The following MTFR1L variants were observed in gnomAD, a reference collection of about 807,000 sequenced individuals.
MTFR1L encodes mitochondrial fission regulator 1-like.
A neutral mutation model predicts 27.9 loss-of-function variants in MTFR1L; 10 were observed. The observed-to-expected ratio is 0.36, with a 90% CI of 0.22 to 0.61. The LOEUF is 0.61. Among genes scored for constraint, MTFR1L ranks in the 20% least tolerant of loss-of-function variants. The pLI is 0.73. For missense variants in MTFR1L, 315 were observed against 363.7 expected (o/e 0.87, Z 1.09); for synonymous variants, 151 against 139.4 (o/e 1.08, Z -0.58).
intron 3 of MTFR1L, among the ~76,000 whole-genome samples, chr1:25,824,522 G>C (rs959936976): frequency 7.2e-5 from 11 of 152,190 alleles, no homozygotes; most frequent in African/African-American, 2.7e-4. Flanking sequence ...GTGCATGAAA[G>C]GATGTGGGCC....
chr1:25,829,944 T>C, intron 6 of MTFR1L, 114 bp downstream of exon 6: 2 of 1,061,458 alleles, frequency 1.9e-6, no homozygotes, highest in East Asian at 2.6e-5. Flanking sequence ...TGTTATGTCA[T>C]TCATAAAGCT....
intron 5 of MTFR1L, among the ~76,000 whole-genome samples, chr1:25,827,322 G>A (rs1291429129): frequency 2.0e-5 from 3 of 151,718 alleles, no homozygotes; most frequent in Non-Finnish European, 4.4e-5. Context: ...TTTTAGTAGA[G>A]ACAGAGTTCC....
chr1:25,832,333 G>A lies in MTFR1L; in HGVS notation c.*307G>A, dbSNP rs909782300. On this transcript the variant is annotated 3_prime_UTR_variant, in exon 7 of 7. Coordinates refer to ENST00000374303, the MANE Select transcript of MTFR1L (RefSeq NM_001099625.2). Reference sequence around the variant, plus strand: ...TTTTCCTTGCCCCTGTGTGAAAATAGGTCCTAAATGACTGACTTCACTGCA... The same window carrying A: ...TTTTCCTTGCCCCTGTGTGAAAATAAGTCCTAAATGACTGACTTCACTGCA... The A allele has an allele frequency of 3.5e-5, 24 of 687,556 alleles. No homozygotes were observed. Among genetic ancestry groups the A allele is most frequent in the Non-Finnish European group, 5.1e-5 (21 of 413,538 alleles). 42.6% of individuals were successfully genotyped at this position (687,556 alleles called of 1,614,324 possible).
At chr1:25,829,362 C>A in intron 5 of MTFR1L, 147 bp from the exon 6 acceptor site, 1 of 721,384 alleles carries the variant, frequency 1.4e-6, no homozygotes, top group Non-Finnish European at 2.3e-6. Flanking sequence ...TGACCCTCCA[C>A]TGGCTACAGA....
chr1:25,829,897 C>G, intron 6 of MTFR1L, 67 bp downstream of exon 6: 1 of 1,304,878 alleles, frequency 7.7e-7, no homozygotes, highest in Non-Finnish European at 1.0e-6. Flanking sequence ...TTATGTAATG[C>G]AACATACTTA....
intron 6 of MTFR1L, among the ~76,000 whole-genome samples, chr1:25,830,119 C>T (rs1405197174): frequency 6.6e-6 from 1 of 152,156 alleles, no homozygotes; most frequent in East Asian, 1.9e-4. Flanking sequence ...CACTTCAGTC[C>T]TCATACTGCT....
chr1:25,829,225 A>G (rs541036051), intron 5 of MTFR1L, among the ~76,000 whole-genome samples: 4 of 152,228 alleles, frequency 2.6e-5, no homozygotes, highest in African/African-American at 7.2e-5. Context: ...TCCACAGCCT[A>G]TTGTGGAATG....
chr1:25,826,121 A>G lies in MTFR1L; in HGVS notation c.130-181A>G, dbSNP rs1287357401. 5.4e-5 allele frequency: 31 copies of G among 572,130 alleles called. No individual in the cohort carries two copies. In the Admixed American group the frequency reaches 9.1e-4, roughly 17 times the overall value. 35.4% of individuals were successfully genotyped at this position (572,130 alleles called of 1,614,324 possible). A position where few individuals can be genotyped will look rare whatever the true frequency, so the allele number is the denominator to read the frequency against. ...AATGCTGGGATTACAGGTGTGAGCC[A>G]CCATGCCTGACTGTCATCTGGCCTC... On this transcript the variant is annotated intron_variant, in intron 3 of 6. Transcript: ENST00000374303. This position sits in a 1 kb window ranked among gnomAD's most constrained non-coding sequence, Gnocchi z 4.1.
intron 3 of MTFR1L, chr1:25,825,856 T>C (rs1010429468): frequency 6.2e-6 from 1 of 162,038 alleles, no homozygotes. Context: ...GTTTTTGTTT[T>C]TGAATGTGGC....
intron 5 of MTFR1L, 90 bp from the exon 6 acceptor site, chr1:25,829,419 G>C: frequency 8.4e-7 from 1 of 1,192,858 alleles, no homozygotes; most frequent in Admixed American, 2.1e-5. Flanking sequence ...CCCAGGAAAT[G>C]AATGTTCAGT....
At chr1:25,820,824 A>G in intron 1 of MTFR1L, 1 of 400,882 alleles carries the variant, frequency 2.5e-6, no homozygotes, top group South Asian at 1.8e-5. Context: ...GTGCGCGGGG[A>G]TCACAGTTAT....
chr1:25,824,027 A>G (rs997618373), intron 3 of MTFR1L, among the ~76,000 whole-genome samples: 20 of 152,282 alleles, frequency 1.3e-4, no homozygotes, highest in African/African-American at 3.6e-4. Flanking sequence ...AGAATTGACC[A>G]TGTAGCCAGT....
chr1:25,823,324 G>T, intron 2 of MTFR1L, 196 bp downstream of exon 2: 3 of 730,788 alleles, frequency 4.1e-6, no homozygotes, highest in Non-Finnish European at 7.4e-6. Context: ...AGGAGTCAGT[G>T]TATGTCTGCC....
chr1:25,826,076 C>G lies in MTFR1L; in HGVS notation c.130-226C>G, dbSNP rs2048163528. The G allele has an allele frequency of 4.1e-6, 2 of 486,112 alleles. No homozygotes were observed. Among genetic ancestry groups the G allele is most frequent in the Non-Finnish European group, 7.5e-6 (2 of 268,002 alleles). 30.1% of individuals were successfully genotyped at this position (486,112 alleles called of 1,614,324 possible). ...TCTCAAACTCTTGGTCTCAAGCATT[C>G]TGCCTGCCTCGGCCTCCCAAATGCT... On this transcript the variant is annotated intron_variant, in intron 3 of 6. Coordinates refer to ENST00000374303, the MANE Select transcript of MTFR1L (RefSeq NM_001099625.2). This position sits in a 1 kb window ranked among gnomAD's most constrained non-coding sequence, Gnocchi z 4.1.
At chr1:25,823,153 G>T in intron 2 of MTFR1L, 25 bp downstream of exon 2, 2 of 1,609,716 alleles carry the variant, frequency 1.2e-6, no homozygotes, top group Non-Finnish European at 1.7e-6. Context: ...CAGGGCAGGG[G>T]TATGGTGGGG....
rs767916807 is a variant in MTFR1L at position 25,826,272 on chromosome 1, T to C, written c.130-30T>C. ...TCTGATTGGCTCATCATGGCATCTG[T>C]AAATGTTGATGACTTTTGCTTCTCC... On this transcript the variant is annotated intron_variant, in intron 3 of 6. Transcript: ENST00000374303. The surrounding 1 kb of genome is among the most constrained non-coding windows in gnomAD (Gnocchi z 4.1). 1.1e-5 allele frequency: 18 copies of C among 1,596,796 alleles called. No individual in the cohort carries two copies. The highest frequency in any genetic ancestry group is 1.5e-5 in the Non-Finnish European group (18 of 1,164,740).
At chr1:25,831,007 C>T (rs1010965439) in intron 6 of MTFR1L, among the ~76,000 whole-genome samples, 2 of 152,176 alleles carry the variant, frequency 1.3e-5, no homozygotes, top group African/African-American at 4.8e-5. Context: ...GGTTGACTCT[C>T]AAACTTTCTC....
intron 6 of MTFR1L, among the ~76,000 whole-genome samples, chr1:25,831,426 T>A (rs1486727588): frequency 1.3e-5 from 2 of 152,246 alleles, no homozygotes; most frequent in Non-Finnish European, 2.9e-5. Context: ...TAAAAAATCA[T>A]CTCCCCTGAA....
At chr1:25,830,461 C>CTT (rs2048223753) in intron 6 of MTFR1L, among the ~76,000 whole-genome samples, 2 of 152,160 alleles carry the variant, frequency 1.3e-5, no homozygotes, top group African/African-American at 4.8e-5. Context: ...GTATGAGGGT[C>CTT]TTTGGGGAAT....
Sources: gnomAD v4.1 joint callset for allele counts (sites outside exome capture counted in the v4.1 genomes callset) on GRCh38, gnomAD v4.1.1 for gene constraint, Gnocchi (gnomAD v3.1) non-coding constraint, MANE v1.5 for transcripts, NCBI Gene and HGNC (gene_info 2026-07-23, HGNC 2026-07-21) for gene names.